The following ARHGDIG variants were observed in gnomAD, a reference collection of about 807,000 sequenced individuals.
The protein encoded by ARHGDIG is Rho GDP dissociation inhibitor gamma.
ARHGDIG carries 14 observed loss-of-function variants against 20.2 expected under a neutral mutation model. That is an observed-to-expected ratio of 0.69 (90% CI 0.46 to 1.08). The LOEUF (loss-of-function observed/expected upper bound fraction) is 1.08. Among genes scored for constraint, ARHGDIG ranks in the 50% least tolerant of loss-of-function variants. The probability of loss-of-function intolerance (pLI) is 0.00; values close to 1 mark genes in which losing one functional copy is unlikely to be tolerated. For synonymous variants in ARHGDIG, 193 were observed against 138.6 expected (o/e 1.39, Z -2.76); for missense variants, 311 against 301.8 (o/e 1.03, Z -0.23).
chr16:282,945 C>G lies in ARHGDIG; in HGVS notation c.*131C>G. The G allele has an allele frequency of 1.0e-6, 1 of 967,904 alleles. No individual in the cohort carries two copies. The highest frequency in any genetic ancestry group is 1.4e-6 in the Non-Finnish European group (1 of 736,364). The allele number at this position is 967,904 out of a possible 1,614,324, so 60.0% of individuals were successfully genotyped here. On this transcript the variant is annotated 3_prime_UTR_variant, in exon 6 of 6. Transcript: ENST00000219409. ...TGCCCCTGCTGCCCCTGCTCTGTCC[C>G]GGGACCCCCTGGCCTGGCGCTGTCC...
rs36159019 is a variant in ARHGDIG, at chr16:282,915, C to T, written c.*101C>T. 0.075 allele frequency: 88,575 copies of T among 1,174,046 alleles called. 3,715 individuals carry two copies. The highest frequency in any genetic ancestry group is 0.092 in the Non-Finnish European group (78,258 of 855,084). 72.7% of individuals were successfully genotyped at this position (1,174,046 alleles called of 1,614,324 possible). ...AGTGACCAGACCCTCCCCTGCTGCC[C>T]CTGCTGCCCCTGCTGCCCCTGCTCT... On this transcript the variant is annotated 3_prime_UTR_variant, in exon 6 of 6. Transcript: ENST00000219409.
intron 2 of ARHGDIG, 40 bp from the exon 3 acceptor site, chr16:281,985 G>C (rs1425749786): frequency 6.2e-7 from 1 of 1,604,374 alleles, no homozygotes; most frequent in Non-Finnish European, 8.5e-7. Flanking sequence ...GAGCCTGGTG[G>C]GGGTGGGGGG....
rs977563493 is a variant in ARHGDIG at position 281,587 on chromosome 16, G to A, written c.74-159G>A. On this transcript the variant is annotated intron_variant, in intron 1 of 5. Transcript: ENST00000219409. ...GTGCGGTGCGGCACCTCCCCAGGCC[G>A]CCCTGCTCTCTCTGCTCGCTCTCTC... The A allele has an allele frequency of 6.8e-6, 6 of 881,084 alleles. No individual in the cohort carries two copies. The African/African-American group carries it at 1.0e-4, about 15-fold the overall frequency. The allele number at this position is 881,084 out of a possible 1,614,324, so 54.6% of individuals were successfully genotyped here. A position where few individuals can be genotyped will look rare whatever the true frequency, so the allele number is the denominator to read the frequency against.
In ARHGDIG at chr16:280,670, C is replaced by T. The variant is rs1246503099; in HGVS notation, c.-11C>T. 1.4e-5 allele frequency: 15 copies of T among 1,058,962 alleles called. No homozygotes were observed. Among genetic ancestry groups the T allele is most frequent in the Non-Finnish European group, 1.7e-5 (15 of 877,840 alleles). The allele number at this position is 1,058,962 out of a possible 1,614,324, so 65.6% of individuals were successfully genotyped here. A position where few individuals can be genotyped will look rare whatever the true frequency, so the allele number is the denominator to read the frequency against. ...CTCGGCGGCTCCGCGGCGCCCGGGC[C>T]GCGCGCCGCCATGCTGGGCCTGGAC... On this transcript the variant is annotated 5_prime_UTR_variant, in exon 1 of 6. Coordinates refer to ENST00000219409, the MANE Select transcript of ARHGDIG (RefSeq NM_001176.4). The surrounding 1 kb of genome is among the most constrained non-coding windows in gnomAD (Gnocchi z 6.6).
chr16:281,648 G>A lies in ARHGDIG; in HGVS notation c.74-98G>A, dbSNP rs546957827. ...CAGAGGCTTCCCTTGAGTCCCTTTG[G>A]ATAGTGGGAGGTACAGCTGGCCAGA... On this transcript the variant is annotated intron_variant, in intron 1 of 5. Coordinates refer to ENST00000219409, the MANE Select transcript of ARHGDIG (RefSeq NM_001176.4). 208 of 1,346,322 alleles carry A rather than the reference G, an allele frequency of 1.5e-4. 2 individuals carry two copies. The East Asian group carries it at 4.8e-3, about 31-fold the overall frequency. The allele number at this position is 1,346,322 out of a possible 1,614,324, so 83.4% of individuals were successfully genotyped here.
In ARHGDIG at chr16:280,759, C is replaced by A. The variant is rs1596934413; in HGVS notation, c.73+6C>A. 1 of 1,276,964 alleles carries A rather than the reference C, an allele frequency of 7.8e-7. No individual in the cohort carries two copies. The allele number at this position is 1,276,964 out of a possible 1,614,324, so 79.1% of individuals were successfully genotyped here. ...GCTGGCGCTGTGCGCCCGAGGTGAGCGGGCCGGGCAGGGGCGGGGGGCTCG... is the reference window on the plus strand; with the variant it reads ...GCTGGCGCTGTGCGCCCGAGGTGAGAGGGCCGGGCAGGGGCGGGGGGCTCG... On this transcript the variant is annotated splice_donor_region_variant and intron_variant, in intron 1 of 5. Coordinates refer to ENST00000219409, the MANE Select transcript of ARHGDIG (RefSeq NM_001176.4). This position sits in a 1 kb window ranked among gnomAD's most constrained non-coding sequence, Gnocchi z 6.6.
In ARHGDIG at chr16:282,880, A is replaced by AC. The variant is rs2052302749; in HGVS notation, c.*72dup. 6.8e-7 allele frequency: 1 copy of AC among 1,465,866 alleles called. No individual in the cohort carries two copies. Among genetic ancestry groups the AC allele is most frequent in the Admixed American group, 2.1e-5 (1 of 47,772 alleles). The allele number at this position is 1,465,866 out of a possible 1,614,324, so 90.8% of individuals were successfully genotyped here. On this transcript the variant is annotated 3_prime_UTR_variant, in exon 6 of 6. Transcript: ENST00000219409. ...ACAGGGACCCCCAAGCATCCCCAGC[A>AC]CCCCCCGTGAGTGACCAGACCCTCC...
At position 281,592 on chromosome 16, in the gene ARHGDIG, GCT is replaced by G. The variant is rs1336156883; in HGVS notation, c.74-147_74-146del. 13 of 932,688 alleles carry G rather than the reference GCT, an allele frequency of 1.4e-5. No homozygotes were observed. In the East Asian group the frequency reaches 1.6e-4, roughly 11 times the overall value. 57.8% of individuals were successfully genotyped at this position (932,688 alleles called of 1,614,324 possible). On this transcript the variant is annotated intron_variant, in intron 1 of 5. Coordinates refer to ENST00000219409, the MANE Select transcript of ARHGDIG (RefSeq NM_001176.4). ...GTGCGGCACCTCCCCAGGCCGCCCTGCTCTCTCTGCTCGCTCTCTCCCTGAGC... is the reference window on the plus strand; with the variant it reads ...GTGCGGCACCTCCCCAGGCCGCCCTGCTCTCTGCTCGCTCTCTCCCTGAGC...
rs576680102 is a variant in ARHGDIG at position 281,457 on chromosome 16, T to TC, written c.74-284dup. 16 of 390,462 alleles carry TC rather than the reference T, an allele frequency of 4.1e-5. No individual in the cohort carries two copies. The South Asian group carries it at 4.4e-4, about 11-fold the overall frequency. 24.2% of individuals were successfully genotyped at this position (390,462 alleles called of 1,614,324 possible). A position where few individuals can be genotyped will look rare whatever the true frequency, so the allele number is the denominator to read the frequency against. On this transcript the variant is annotated intron_variant, in intron 1 of 5. Coordinates refer to ENST00000219409, the MANE Select transcript of ARHGDIG (RefSeq NM_001176.4). ...GGCTGCCCTCATCTGAAGTCTTCGCTCCCCCGCCCTTTGGTCTCCGAGTCA... is the reference window on the plus strand; with the variant it reads ...GGCTGCCCTCATCTGAAGTCTTCGCTCCCCCCGCCCTTTGGTCTCCGAGTCA...
At chr16:282,567 G>GGGGGGGAAGGGGGGGGGGGGGGGGA in intron 5 of ARHGDIG, 37 bp downstream of exon 5, 1 of 957,428 alleles carries the variant, frequency 1.0e-6, no homozygotes, top group African/African-American at 1.8e-5. Context: ...GCGGGGGGGG[G>GGGGGGGAAGGGGGGGGGGGGGGGGA]AAGCGGGGGC....
At position 282,559 on chromosome 16, in the gene ARHGDIG, G is replaced by C. The variant is rs776603367; in HGVS notation, c.478+29G>C. 66 of 147,106 alleles carry C rather than the reference G, an allele frequency of 4.5e-4. No individual in the cohort carries two copies. In the Middle Eastern group the frequency reaches 4.5e-3, roughly 10 times the overall value. The allele number at this position is 147,106 out of a possible 1,614,324, so 9.1% of individuals were successfully genotyped here. On this transcript the variant is annotated intron_variant, in intron 5 of 5. Coordinates refer to ENST00000219409, the MANE Select transcript of ARHGDIG (RefSeq NM_001176.4). Reference sequence around the variant, plus strand: ...AGGGCAGCGGTGGGGGGAACGGGGCGGGGGGGGGAAGCGGGGGCAGACAGA... The same window carrying C: ...AGGGCAGCGGTGGGGGGAACGGGGCCGGGGGGGGAAGCGGGGGCAGACAGA...
rs947007563 is a variant in ARHGDIG at position 281,779 on chromosome 16, C to T, written c.107C>T (p.Ala36Val). Residue 36 changes from alanine (A) to valine (V), a missense_variant, in exon 2 of 6, where the codon GCA becomes GTA. Coordinates refer to ENST00000219409, the MANE Select transcript of ARHGDIG (RefSeq NM_001176.4). The part of the protein sequence containing the change: ...LLADKEGGPP[A>V]VDEVLDEAVP... ...GCTGACAAGGAGGGTGGGCCGCCGG[C>T]AGTGGACGAGGTGTTGGATGAGGCT... 6.2e-7 allele frequency: 1 copy of T among 1,607,610 alleles called. No homozygotes were observed. The highest frequency in any genetic ancestry group is 1.1e-5 in the South Asian group (1 of 90,718).
Position 280,776 on chromosome 16 carries a change from G to A in ARHGDIG, c.73+23G>A. On this transcript the variant is annotated intron_variant, in intron 1 of 5. Coordinates refer to ENST00000219409, the MANE Select transcript of ARHGDIG (RefSeq NM_001176.4). The surrounding 1 kb of genome is among the most constrained non-coding windows in gnomAD (Gnocchi z 6.6). ...GAGGTGAGCGGGCCGGGCAGGGGCG[G>A]GGGGCTCGGCTGGTCTCAGCCCCGG... 1 of 1,268,424 alleles carries A rather than the reference G, an allele frequency of 7.9e-7. No individual in the cohort carries two copies. The highest frequency in any genetic ancestry group is 9.9e-7 in the Non-Finnish European group (1 of 1,005,490). 78.6% of individuals were successfully genotyped at this position (1,268,424 alleles called of 1,614,324 possible).
Position 280,733 on chromosome 16 carries a change from G to A in ARHGDIG, c.53G>A (p.Arg18Gln), listed in dbSNP as rs1194323586. The change falls in exon 1 of 6, where the codon CGG (arginine) becomes CAG (glutamine). Residue 18 changes from arginine (R) to glutamine (Q), a missense_variant. By Grantham distance (43) the Arg-to-Gln change is conservative. Coordinates refer to ENST00000219409, the MANE Select transcript of ARHGDIG (RefSeq NM_001176.4). The surrounding 1 kb of genome is among the most constrained non-coding windows in gnomAD (Gnocchi z 6.6). ...GGGGCGCAGCTGCTGGAGCTGCTCCGGCTGGCGCTGTGCGCCCGAGGTGAG... is the reference window on the plus strand; with the variant it reads ...GGGGCGCAGCTGCTGGAGCTGCTCCAGCTGGCGCTGTGCGCCCGAGGTGAG... Reference protein sequence around the residue: ...ELGAQLLELLRLALCARVLLA... With the variant: ...ELGAQLLELLQLALCARVLLA... The A allele has an allele frequency of 3.1e-6, 4 of 1,295,580 alleles. No homozygotes were observed. In the South Asian group the frequency reaches 5.9e-5, roughly 19 times the overall value. 80.3% of individuals were successfully genotyped at this position (1,295,580 alleles called of 1,614,324 possible).
rs950333827 is a variant in ARHGDIG at position 282,276 on chromosome 16, T to C, written c.338-21T>C. On this transcript the variant is annotated intron_variant, in intron 3 of 5. Coordinates refer to ENST00000219409, the MANE Select transcript of ARHGDIG (RefSeq NM_001176.4). ...TCAGCCTGTAGGGGAGTTCCGACCC[T>C]AGCTGAGGTTTCCCCAATAGGGGAC... The C allele has an allele frequency of 4.3e-6, 7 of 1,613,022 alleles. No individual in the cohort carries two copies. In the African/African-American group the frequency reaches 8.0e-5, roughly 18 times the overall value.
In ARHGDIG at chr16:282,506, C is replaced by T. The variant is rs747659030; in HGVS notation, c.454C>T (p.His152Tyr). Reference protein sequence around the residue: ...EIVSGLKCLHHTYRRGLRVDK... With the variant: ...EIVSGLKCLHYTYRRGLRVDK... ...TGTCAGCGGCCTCAAGTGTCTGCACCACACCTACCGCCGGGGCCTGCGCGG... is the reference window on the plus strand; with the variant it reads ...TGTCAGCGGCCTCAAGTGTCTGCACTACACCTACCGCCGGGGCCTGCGCGG... Residue 152 changes from histidine (H) to tyrosine (Y), a missense_variant, in exon 5 of 6, where the codon CAC (histidine) becomes TAC (tyrosine). Physicochemically the swap from His to Tyr is moderately conservative, Grantham distance 83. Coordinates refer to ENST00000219409, the MANE Select transcript of ARHGDIG (RefSeq NM_001176.4). The T allele has an allele frequency of 4.3e-6, 7 of 1,609,722 alleles. No homozygotes were observed. In the East Asian group the frequency reaches 6.7e-5, roughly 15 times the overall value.
chr16:281,951 G>C, intron 2 of ARHGDIG, 26 bp downstream of exon 2: 2 of 1,599,740 alleles, frequency 1.3e-6, no homozygotes, highest in Non-Finnish European at 1.7e-6. Context: ...AGGCTTGGAG[G>C]GCTGGGTCTG....
In ARHGDIG at chr16:282,195, C is replaced by G. The variant is rs1395377851; in HGVS notation, c.337+87C>G. The G allele has an allele frequency of 3.8e-5, 61 of 1,603,096 alleles. No homozygotes were observed. The East Asian group carries it at 1.4e-3, about 36-fold the overall frequency. On this transcript the variant is annotated intron_variant, in intron 3 of 5. Transcript: ENST00000219409. ...CCCTGAGTTCCGAGCCCTGGGCCATCACAGTCGCACACCTCATGGGTACCA... is the reference window on the plus strand; with the variant it reads ...CCCTGAGTTCCGAGCCCTGGGCCATGACAGTCGCACACCTCATGGGTACCA...
At position 282,279 on chromosome 16, in the gene ARHGDIG, C is replaced by G. The variant is rs574851094; in HGVS notation, c.338-18C>G. ...GCCTGTAGGGGAGTTCCGACCCTAG[C>G]TGAGGTTTCCCCAATAGGGGACCTG... On this transcript the variant is annotated intron_variant, in intron 3 of 5. Coordinates refer to ENST00000219409, the MANE Select transcript of ARHGDIG (RefSeq NM_001176.4). The G allele has an allele frequency of 1.3e-5, 21 of 1,613,184 alleles. No individual in the cohort carries two copies. In the South Asian group the frequency reaches 1.5e-4, roughly 12 times the overall value.
Sources: gnomAD v4.1 joint callset for allele counts on GRCh38, gnomAD v4.1.1 for gene constraint, Gnocchi (gnomAD v3.1) non-coding constraint, MANE v1.5 for transcripts, NCBI Gene and HGNC (gene_info 2026-07-23, HGNC 2026-07-21) for gene names.